The following ST3GAL4 variants were observed in gnomAD, a reference collection of about 807,000 sequenced individuals.
ST3GAL4 encodes CMP-N-acetylneuraminate-beta-galactosamide-alpha-2,3-sialyltransferase 4.
In ST3GAL4, 24 loss-of-function variants were observed where a neutral mutation model predicts 42.6. The ratio of observed to expected loss-of-function variants is 0.56; its 90% confidence interval spans 0.41 to 0.79. The LOEUF is 0.79. ST3GAL4 is among the 30% of genes least tolerant of loss of function. ST3GAL4 has a pLI of 0.00. For missense variants in ST3GAL4, 311 were observed against 430.8 expected (o/e 0.72, Z 2.46); for synonymous variants, 135 against 163.2 (o/e 0.83, Z 1.32).
chr11:126,409,583 C>CTTTA lies in ST3GAL4; in HGVS notation c.771+173_771+176dup, dbSNP rs1432299533. On this transcript the variant is annotated intron_variant, in intron 9 of 10. Transcript: ENST00000444328. The surrounding 1 kb of genome is among the most constrained non-coding windows in gnomAD (Gnocchi z 4.9). ...TTGCTGCTGCAAAGGGGAGTGCACA[C>CTTTA]TTTAGAGAACCAAGGGGCATTTACT... Among the ~76,000 whole-genome samples the CTTTA allele has an allele frequency of 6.6e-6, 1 of 152,164 alleles. No homozygotes were observed. Among genetic ancestry groups the CTTTA allele is most frequent in the African/African-American group, 2.4e-5 (1 of 41,432 alleles).
intron 1 of ST3GAL4, among the ~76,000 whole-genome samples, chr11:126,358,764 T>G (rs4937122): frequency 0.15 from 22,947 of 152,138 alleles, 2,753 homozygotes; most frequent in East Asian, 0.68. Flanking sequence ...ACCTACAGCC[T>G]GGCCACAACC....
At chr11:126,389,088 T>C (rs1328286561) in intron 1 of ST3GAL4, among the ~76,000 whole-genome samples, 1 of 152,162 alleles carries the variant, frequency 6.6e-6, no homozygotes, top group Non-Finnish European at 1.5e-5. Context: ...TCAGTTGTCT[T>C]TTAAGTGTTT....
chr11:126,390,201 A>G (rs1167435559), intron 1 of ST3GAL4, among the ~76,000 whole-genome samples: 1 of 151,704 alleles, frequency 6.6e-6, no homozygotes, highest in East Asian at 1.9e-4. Context: ...AAAAGTTAAC[A>G]TTATGTCTTC....
At position 126,408,197 on chromosome 11, in the gene ST3GAL4, G is replaced by A; in HGVS notation, c.437+3G>A. On this transcript the variant is annotated splice_donor_region_variant and intron_variant, in intron 7 of 10. Transcript: ENST00000444328. ...AACAAGTACGATGTGGTCATCAGGT[G>A]TGTGTGACTGTCTCTTCCTACTGTT... The A allele has an allele frequency of 1.2e-6, 2 of 1,614,122 alleles. No homozygotes were observed. The highest frequency in any genetic ancestry group is 1.7e-6 in the Non-Finnish European group (2 of 1,179,974).
In ST3GAL4 at chr11:126,408,351, C is replaced by G. The variant is rs748825050; in HGVS notation, c.482C>G (p.Ser161Cys). The change falls in exon 8 of 11, where the codon TCC becomes TGC. Residue 161 changes from serine (S) to cysteine (C), a missense_variant. Ser to Cys is a moderately radical substitution (Grantham distance 112). Coordinates refer to ENST00000444328, the MANE Select transcript of ST3GAL4 (RefSeq NM_001254757.2). ...GCTGGCTATGAGGGTGACGTGGGCT[C>G]CAAGACCACCATGCGTCTCTTCTAC... The part of the protein sequence containing the change: ...PVAGYEGDVG[S>C]KTTMRLFYPE... The G allele has an allele frequency of 6.2e-6, 10 of 1,614,030 alleles. No individual in the cohort carries two copies. Among genetic ancestry groups the G allele is most frequent in the Non-Finnish European group, 8.5e-6 (10 of 1,180,026 alleles).
rs995984382 is a variant in ST3GAL4, at chr11:126,397,376, A to G, written c.-60-8720A>G. On this transcript the variant is annotated intron_variant, in intron 1 of 10. Coordinates refer to ENST00000444328, the MANE Select transcript of ST3GAL4 (RefSeq NM_001254757.2). The surrounding 1 kb of genome is among the most constrained non-coding windows in gnomAD (Gnocchi z 5.0). ...AACTCTGGTGGGCTCTTGGTATAAA[A>G]ATGTCTCCAATCTCAGAGGTCATGG... 6.6e-6 allele frequency among the ~76,000 whole-genome samples: 1 copy of G among 152,078 alleles called. No individual in the cohort carries two copies. Among genetic ancestry groups the G allele is most frequent in the Non-Finnish European group, 1.5e-5 (1 of 68,038 alleles).
chr11:126,414,297 C>T lies in ST3GAL4; in HGVS notation c.*250C>T. Reference sequence around the variant, plus strand: ...CAGGGCAGGGGGCTCGTTGCTGTGGCACCCCCTCTCTGCCAGCACCAAGAG... The same window carrying T: ...CAGGGCAGGGGGCTCGTTGCTGTGGTACCCCCTCTCTGCCAGCACCAAGAG... On this transcript the variant is annotated 3_prime_UTR_variant, in exon 11 of 11. Coordinates refer to ENST00000444328, the MANE Select transcript of ST3GAL4 (RefSeq NM_001254757.2). 1 of 554,754 alleles carries T rather than the reference C, an allele frequency of 1.8e-6. No individual in the cohort carries two copies. The highest frequency in any genetic ancestry group is 3.2e-6 in the Non-Finnish European group (1 of 308,224). 34.4% of individuals were successfully genotyped at this position (554,754 alleles called of 1,614,324 possible).
In ST3GAL4 at chr11:126,378,270, C is replaced by T. The variant is rs1033781063; in HGVS notation, c.-61+22428C>T. On this transcript the variant is annotated intron_variant, in intron 1 of 10. Coordinates refer to ENST00000444328, the MANE Select transcript of ST3GAL4 (RefSeq NM_001254757.2). This position sits in a 1 kb window ranked among gnomAD's most constrained non-coding sequence, Gnocchi z 5.3. ...TATTACCCACGAGTTGGGGGTGATA[C>T]GAATGTCATGGTTATTCTCCGTCAC... Among the ~76,000 whole-genome samples, 6 of 152,080 alleles carry T rather than the reference C, an allele frequency of 3.9e-5. No homozygotes were observed. The highest frequency in any genetic ancestry group is 7.3e-5 in the Non-Finnish European group (5 of 68,030).
At chr11:126,395,995 G>A (rs1343347088) in intron 1 of ST3GAL4, among the ~76,000 whole-genome samples, 1 of 151,106 alleles carries the variant, frequency 6.6e-6, no homozygotes, top group Admixed American at 6.6e-5. Flanking sequence ...AGTCCATGGG[G>A]TTTTGGGGCT....
chr11:126,412,475 G>A (rs1293080475), intron 9 of ST3GAL4, among the ~76,000 whole-genome samples: 4 of 152,222 alleles, frequency 2.6e-5, no homozygotes, highest in Non-Finnish European at 5.9e-5. Flanking sequence ...CGTCACTGTG[G>A]ATGAATTAGG....
chr11:126,364,946 C>A (rs1216660664), intron 1 of ST3GAL4, among the ~76,000 whole-genome samples: 1 of 150,240 alleles, frequency 6.7e-6, no homozygotes, highest in Non-Finnish European at 1.5e-5. Flanking sequence ...CTTTGGGGCA[C>A]AGCTGGACTG....
At chr11:126,387,620 G>T (rs1430691241) in intron 1 of ST3GAL4, among the ~76,000 whole-genome samples, 1 of 151,410 alleles carries the variant, frequency 6.6e-6, no homozygotes, top group Non-Finnish European at 1.5e-5. Flanking sequence ...GCTGCAGTGA[G>T]CTGAGATTGG....
Position 126,376,760 on chromosome 11 carries a change from GT to G in ST3GAL4, c.-61+20920del. The G allele has an allele frequency of 6.6e-6, 1 of 152,202 alleles. No individual in the cohort carries two copies. Among genetic ancestry groups the G allele is most frequent in the Non-Finnish European group, 1.5e-5 (1 of 68,040 alleles). 9.4% of individuals were successfully genotyped at this position (152,202 alleles called of 1,614,324 possible). A position where few individuals can be genotyped will look rare whatever the true frequency, so the allele number is the denominator to read the frequency against. ...ACTAGATGACACAGTATTACTCTCT[GT>G]TACCACCACCAATGTAGTCACTGGG... On this transcript the variant is annotated intron_variant, in intron 1 of 10. Coordinates refer to ENST00000444328, the MANE Select transcript of ST3GAL4 (RefSeq NM_001254757.2). This position sits in a 1 kb window ranked among gnomAD's most constrained non-coding sequence, Gnocchi z 5.1.
intron 8 of ST3GAL4, 94 bp downstream of exon 8, chr11:126,408,590 T>A: frequency 6.9e-7 from 1 of 1,444,768 alleles, no homozygotes; most frequent in South Asian, 1.3e-5. Flanking sequence ...CTGGCAGTCC[T>A]AAAGAGGCTG....
At chr11:126,381,332 A>C (rs1262357388) in intron 1 of ST3GAL4, among the ~76,000 whole-genome samples, 1 of 152,122 alleles carries the variant, frequency 6.6e-6, no homozygotes, top group Non-Finnish European at 1.5e-5. Flanking sequence ...GGATGGAGAA[A>C]ATGGGCACCA....
rs1291764172 is a variant in ST3GAL4 at position 126,411,076 on chromosome 11, A to G, written c.771+1665A>G. On this transcript the variant is annotated intron_variant, in intron 9 of 10. Coordinates refer to ENST00000444328, the MANE Select transcript of ST3GAL4 (RefSeq NM_001254757.2). This position sits in a 1 kb window ranked among gnomAD's most constrained non-coding sequence, Gnocchi z 6.3. ...AGAGGAGGCTGGAGAGGGAGATGAGAGAGGGCGAGGACCTGAACCCAGCTC... is the reference window on the plus strand; with the variant it reads ...AGAGGAGGCTGGAGAGGGAGATGAGGGAGGGCGAGGACCTGAACCCAGCTC... Among the ~76,000 whole-genome samples, 1 of 152,046 alleles carries G rather than the reference A, an allele frequency of 6.6e-6. No homozygotes were observed. Among genetic ancestry groups the G allele is most frequent in the Non-Finnish European group, 1.5e-5 (1 of 67,986 alleles).
rs1050420086 is a variant in ST3GAL4, at chr11:126,383,792, G to A, written c.-60-22304G>A. ...AGGCAGATTCACCAGAGGGGCTACTGCGCAGAGCCTGGGCCCTGGACACCT... is the reference window on the plus strand; with the variant it reads ...AGGCAGATTCACCAGAGGGGCTACTACGCAGAGCCTGGGCCCTGGACACCT... On this transcript the variant is annotated intron_variant, in intron 1 of 10. Transcript: ENST00000444328. The surrounding 1 kb of genome is among the most constrained non-coding windows in gnomAD (Gnocchi z 4.5). Among the ~76,000 whole-genome samples, 10 of 152,172 alleles carry A rather than the reference G, an allele frequency of 6.6e-5. No individual in the cohort carries two copies. The highest frequency in any genetic ancestry group is 1.0e-4 in the Non-Finnish European group (7 of 68,032).
At chr11:126,389,909 C>T (rs986161698) in intron 1 of ST3GAL4, among the ~76,000 whole-genome samples, 2 of 151,072 alleles carry the variant, frequency 1.3e-5, no homozygotes, top group African/African-American at 2.4e-5. Context: ...CGCGGTGGCT[C>T]ACGCCTGTAA....
In ST3GAL4 at chr11:126,414,381, A is replaced by C; in HGVS notation, c.*334A>C. 2 of 309,878 alleles carry C rather than the reference A, an allele frequency of 6.5e-6. No individual in the cohort carries two copies. The highest frequency in any genetic ancestry group is 6.7e-5 in the East Asian group (1 of 14,840). 19.2% of individuals were successfully genotyped at this position (309,878 alleles called of 1,614,324 possible). Reference sequence around the variant, plus strand: ...AAGGTGCTGTGGGCTGGTCCCACACATCCAGGAAAGAGGCCAGTAGAGAAT... The same window carrying C: ...AAGGTGCTGTGGGCTGGTCCCACACCTCCAGGAAAGAGGCCAGTAGAGAAT... On this transcript the variant is annotated 3_prime_UTR_variant, in exon 11 of 11. Coordinates refer to ENST00000444328, the MANE Select transcript of ST3GAL4 (RefSeq NM_001254757.2).
Sources: allele counts gnomAD v4.1 joint callset (sites outside exome capture counted in the v4.1 genomes callset), GRCh38; gene constraint gnomAD v4.1.1; non-coding constraint Gnocchi (gnomAD v3.1); transcripts MANE v1.5; gene names NCBI Gene and HGNC (gene_info 2026-07-23, HGNC 2026-07-21).